Variants in CLSTN2 observed in about 807,000 individuals in gnomAD.
CLSTN2 encodes the protein calsyntenin-2.
In CLSTN2, 48 loss-of-function variants were observed where a neutral mutation model predicts 101.2. The ratio of observed to expected loss-of-function variants is 0.47; its 90% CI spans 0.38 to 0.60. The LOEUF (loss-of-function observed/expected upper bound fraction) is 0.60, where lower values mean the gene tolerates loss of function less well. CLSTN2 is among the 20% of genes least tolerant of loss of function. The pLI is 0.00. For synonymous variants in CLSTN2, 481 were observed against 463.6 expected (o/e 1.04, Z -0.48); for missense variants, 1,160 against 1,238.2 (o/e 0.94, Z 0.95).
At chr3:140,380,371 C>T (rs1033110467) in intron 2 of CLSTN2, among the ~76,000 whole-genome samples, 1 of 152,170 alleles carries the variant, frequency 6.6e-6, no homozygotes, top group Non-Finnish European at 1.5e-5. Context: ...CTAAGACTGT[C>T]CAGCCAGGTA....
intron 2 of CLSTN2, among the ~76,000 whole-genome samples, chr3:140,323,919 T>G (rs2107925301): frequency 6.6e-6 from 1 of 152,344 alleles, no homozygotes; most frequent in African/African-American, 2.4e-5. Flanking sequence ...CTGCAACAGT[T>G]GCGAATGTCA....
chr3:140,384,156 G>A (rs2088025083), intron 2 of CLSTN2, among the ~76,000 whole-genome samples: 1 of 152,206 alleles, frequency 6.6e-6, no homozygotes, highest in Non-Finnish European at 1.5e-5. Flanking sequence ...TTGTTGTGAG[G>A]CAGTTGGCTG....
intron 5 of CLSTN2, among the ~76,000 whole-genome samples, chr3:140,437,615 A>G (rs1379868814): frequency 6.6e-6 from 1 of 152,198 alleles, no homozygotes; most frequent in Non-Finnish European, 1.5e-5. Flanking sequence ...GCCCTCTGTG[A>G]CAACAGAAAG....
intron 2 of CLSTN2, among the ~76,000 whole-genome samples, chr3:140,333,163 C>T (rs1281054169): frequency 6.6e-6 from 1 of 152,220 alleles, no homozygotes; most frequent in Non-Finnish European, 1.5e-5. Flanking sequence ...CTCTGCCTCT[C>T]TTTCTGTAAG....
At chr3:139,976,590 C>T (rs1935822699) in intron 1 of CLSTN2, among the ~76,000 whole-genome samples, 1 of 152,198 alleles carries the variant, frequency 6.6e-6, no homozygotes. Flanking sequence ...AAGTCCCTCC[C>T]TTTCCCACTG....
intron 1 of CLSTN2, among the ~76,000 whole-genome samples, chr3:140,104,231 CCTCCCACCTGCCCT>C (rs2009015946): frequency 6.6e-6 from 1 of 152,162 alleles, no homozygotes; most frequent in African/African-American, 2.4e-5. Context: ...ACAGACAGTT[CCTCCCACCTGCCCT>C]CTCCTTCATA....
chr3:139,966,426 G>T (rs750334084), intron 1 of CLSTN2, among the ~76,000 whole-genome samples: 10 of 152,156 alleles, frequency 6.6e-5, no homozygotes, highest in Admixed American at 3.3e-4. Flanking sequence ...CCTTGACGAT[G>T]GTGGTTGTTC....
intron 1 of CLSTN2, among the ~76,000 whole-genome samples, chr3:139,965,012 A>G (rs902644611): frequency 6.6e-6 from 1 of 152,078 alleles, no homozygotes; most frequent in Admixed American, 6.6e-5. Context: ...CAATGCCACT[A>G]CGGTTGATAT....
At chr3:140,532,213 A>G (rs1214196607) in intron 8 of CLSTN2, 111 bp from the exon 9 acceptor site, 5 of 760,658 alleles carry the variant, frequency 6.6e-6, no homozygotes, top group East Asian at 2.6e-5. Flanking sequence ...GTGCTTTGCA[A>G]TAAAAATTGT....
chr3:140,151,985 C>T (rs1386536557), intron 1 of CLSTN2, among the ~76,000 whole-genome samples: 3 of 152,200 alleles, frequency 2.0e-5, no homozygotes, highest in Admixed American at 6.5e-5. Flanking sequence ...CTTCTCCGCC[C>T]ACTCAGATTA....
At chr3:139,989,420 C>T (rs1328855165) in intron 1 of CLSTN2, among the ~76,000 whole-genome samples, 1 of 152,170 alleles carries the variant, frequency 6.6e-6, no homozygotes, top group Non-Finnish European at 1.5e-5. Context: ...GATTGTTTAT[C>T]TTTTCTGTTG....
At chr3:140,004,213 T>G (rs907493020) in intron 1 of CLSTN2, among the ~76,000 whole-genome samples, 1 of 152,252 alleles carries the variant, frequency 6.6e-6, no homozygotes, top group Non-Finnish European at 1.5e-5. Flanking sequence ...ATTAATTAAA[T>G]AAGTACCTTC....
At chr3:139,950,652 T>C (rs1264314670) in intron 1 of CLSTN2, among the ~76,000 whole-genome samples, 1 of 152,250 alleles carries the variant, frequency 6.6e-6, no homozygotes, top group East Asian at 1.9e-4. Flanking sequence ...TATTTTGTAG[T>C]GCCCCCATTA....
intron 8 of CLSTN2, among the ~76,000 whole-genome samples, chr3:140,477,588 G>A (rs1934016122): frequency 6.6e-6 from 1 of 152,140 alleles, no homozygotes; most frequent in South Asian, 2.1e-4. Flanking sequence ...TACTTTTGAG[G>A]TTAAAACTTA....
intron 8 of CLSTN2, among the ~76,000 whole-genome samples, chr3:140,499,076 T>A (rs1328510813): frequency 6.6e-6 from 1 of 152,186 alleles, no homozygotes; most frequent in Non-Finnish European, 1.5e-5. Context: ...CCTTGTTTAA[T>A]CTTCACACGA....
intron 1 of CLSTN2, among the ~76,000 whole-genome samples, chr3:140,031,297 G>A (rs531903475): frequency 6.6e-6 from 1 of 152,162 alleles, no homozygotes; most frequent in Non-Finnish European, 1.5e-5. Context: ...TTCTTTGTTA[G>A]TGACGCGCAG....
At chr3:139,956,429 G>A (rs1424251875) in intron 1 of CLSTN2, among the ~76,000 whole-genome samples, 1 of 152,162 alleles carries the variant, frequency 6.6e-6, no homozygotes, top group Non-Finnish European at 1.5e-5. Context: ...CATGGTGGTT[G>A]TCTTGTTAGT....
chr3:140,441,144 T>C (rs1315732717), intron 5 of CLSTN2, among the ~76,000 whole-genome samples: 1 of 152,202 alleles, frequency 6.6e-6, no homozygotes, highest in Non-Finnish European at 1.5e-5. Flanking sequence ...AGCAAGACAT[T>C]CTTTTCTGGT....
intron 3 of CLSTN2, 48 bp from the exon 4 acceptor site, chr3:140,404,510 G>T: frequency 1.3e-6 from 2 of 1,573,954 alleles, no homozygotes; most frequent in East Asian, 2.2e-5. Flanking sequence ...GGAGGTTGGT[G>T]TGACTCTTTC....
Sources: gnomAD v4.1 joint callset for allele counts (sites outside exome capture counted in the v4.1 genomes callset) on GRCh38, gnomAD v4.1.1 for gene constraint, MANE v1.5 for transcripts, NCBI Gene and HGNC (gene_info 2026-07-23, HGNC 2026-07-21) for gene names.